Variants in CDH13 observed in about 807,000 individuals in gnomAD.
CDH13 encodes cadherin-13.
Under a neutral mutation model 63.8 loss-of-function variants are expected in CDH13, and 24 were observed. The observed-to-expected ratio is 0.38, with a 90% CI of 0.27 to 0.53. The LOEUF (loss-of-function observed/expected upper bound fraction) is 0.53, where lower values mean the gene tolerates loss of function less well. CDH13 is among the 20% of genes least tolerant of loss of function. CDH13 has a pLI of 0.85. For synonymous variants in CDH13, 503 were observed against 355.3 expected, an observed-to-expected ratio of 1.42 and a Z score of -4.67; for missense variants, 1,049 against 903.1, an observed-to-expected ratio of 1.16 and a Z score of -2.07.
At chr16:83,602,418 A>G in intron 7 of CDH13, 36 bp from the exon 8 acceptor site, 1 of 1,612,916 alleles carries the variant, frequency 6.2e-7, no homozygotes, top group Middle Eastern at 1.7e-4. Context: ...CCCAAATCTA[A>G]ATGTCATATT....
chr16:83,423,492 T>TA (rs2071780169), intron 6 of CDH13, among the ~76,000 whole-genome samples: 5 of 147,588 alleles, frequency 3.4e-5, no homozygotes, highest in Non-Finnish European at 7.6e-5. Flanking sequence ...CTGACAGCAT[T>TA]TAAAAAAAAA....
chr16:83,297,535 G>A (rs965533685), intron 5 of CDH13, among the ~76,000 whole-genome samples: 1 of 152,062 alleles, frequency 6.6e-6, no homozygotes, highest in Non-Finnish European at 1.5e-5. Context: ...GAGCACTCTT[G>A]TTTCTCACTG....
chr16:83,782,450 A>G (rs1184736548), intron 12 of CDH13, among the ~76,000 whole-genome samples: 2 of 152,010 alleles, frequency 1.3e-5, no homozygotes, highest in African/African-American at 4.8e-5. Context: ...AAAAACAAAA[A>G]CAAGGCTGGA....
intron 7 of CDH13, among the ~76,000 whole-genome samples, chr16:83,522,755 G>C (rs927876398): frequency 6.6e-6 from 1 of 152,136 alleles, no homozygotes; most frequent in Non-Finnish European, 1.5e-5. Context: ...CATCAGACTG[G>C]CCTGAATTCA....
intron 8 of CDH13, among the ~76,000 whole-genome samples, chr16:83,607,613 G>A (rs939369219): frequency 1.3e-5 from 2 of 152,110 alleles, no homozygotes; most frequent in Admixed American, 6.6e-5. Flanking sequence ...CACTGCATAC[G>A]ATGAACGAAG....
At chr16:82,946,720 C>CAAAAAAA (rs55633638) in intron 2 of CDH13, among the ~76,000 whole-genome samples, 1,747 of 148,890 alleles carry the variant, frequency 0.012, 25 homozygotes, top group African/African-American at 0.035. Context: ...AACTCTGTCT[C>CAAAAAAA]AAAAAAAAGA....
chr16:83,014,854 TTGTATATATATA>T (rs1230235666), intron 2 of CDH13, among the ~76,000 whole-genome samples: 1 of 118,096 alleles, frequency 8.5e-6, no homozygotes, highest in Non-Finnish European at 1.7e-5. Flanking sequence ...ATATATATAT[TTGTATATATATA>T]TGTATATATA....
chr16:82,854,720 C>T (rs772846822), intron 1 of CDH13, among the ~76,000 whole-genome samples: 3 of 152,192 alleles, frequency 2.0e-5, no homozygotes, highest in Non-Finnish European at 4.4e-5. Context: ...CCTTGATGCT[C>T]TAGATGAAGT....
intron 2 of CDH13, among the ~76,000 whole-genome samples, chr16:82,885,916 A>C (rs1252773628): frequency 6.6e-6 from 1 of 152,206 alleles, no homozygotes; most frequent in East Asian, 1.9e-4. Flanking sequence ...GCATAGAGGA[A>C]GTTCTCAGTA....
intron 1 of CDH13, among the ~76,000 whole-genome samples, chr16:82,720,709 A>G (rs1159654942): frequency 6.6e-6 from 1 of 152,122 alleles, no homozygotes; most frequent in Non-Finnish European, 1.5e-5. Flanking sequence ...TTATAATAAA[A>G]CAACATTGAA....
intron 8 of CDH13, among the ~76,000 whole-genome samples, chr16:83,635,585 G>C (rs1911187693): frequency 6.6e-6 from 1 of 151,880 alleles, no homozygotes; most frequent in Non-Finnish European, 1.5e-5. Context: ...CTCGTGATCT[G>C]CCTGCCTCGG....
At chr16:82,766,701 A>G (rs1035026905) in intron 1 of CDH13, among the ~76,000 whole-genome samples, 1 of 152,176 alleles carries the variant, frequency 6.6e-6, no homozygotes, top group African/African-American at 2.4e-5. Flanking sequence ...ATTCCTTTAT[A>G]TCATTATCCA....
At chr16:83,226,310 C>G (rs532988277) in intron 5 of CDH13, among the ~76,000 whole-genome samples, 2 of 152,336 alleles carry the variant, frequency 1.3e-5, no homozygotes, top group Admixed American at 6.5e-5. Flanking sequence ...TGAGTTGCTT[C>G]TGACTGATTA....
intron 5 of CDH13, among the ~76,000 whole-genome samples, chr16:83,344,034 G>T (rs956684110): frequency 6.6e-6 from 1 of 152,154 alleles, no homozygotes; most frequent in East Asian, 1.9e-4. Flanking sequence ...AGTTGTACTA[G>T]GATTCCAAAT....
In CDH13 at chr16:83,044,502, C is replaced by T. The variant is rs541440981; in HGVS notation, c.366+12284C>T. Among the ~76,000 whole-genome samples the T allele has an allele frequency of 4.6e-5, 7 of 152,284 alleles. No homozygotes were observed. The East Asian group carries it at 1.2e-3, about 25-fold the overall frequency. On this transcript the variant is annotated intron_variant, in intron 3 of 13. Coordinates refer to ENST00000567109, the MANE Select transcript of CDH13 (RefSeq NM_001257.5). The stretch of plus-strand genomic sequence containing the variant: ...GTGAATAGAACCTTTACAAAAAGAA[C>T]CTTGTGGAAACAGCACGAGGTGTCT...
intron 2 of CDH13, among the ~76,000 whole-genome samples, chr16:83,014,341 A>C (rs1016024996): frequency 1.5e-4 from 22 of 151,678 alleles, no homozygotes; most frequent in African/African-American, 5.1e-4. Context: ...AAAAAAAAAA[A>C]AACTTAGCAT....
intron 7 of CDH13, among the ~76,000 whole-genome samples, chr16:83,516,946 G>C (rs1224187558): frequency 6.6e-6 from 1 of 152,206 alleles, no homozygotes; most frequent in Non-Finnish European, 1.5e-5. Flanking sequence ...AGTGGCGGGA[G>C]TGAGAGCAAA....
chr16:82,937,419 G>GCACACA (rs748594526), intron 2 of CDH13, among the ~76,000 whole-genome samples: 1 of 149,006 alleles, frequency 6.7e-6, no homozygotes, highest in Admixed American at 6.7e-5. Context: ...ACATACACAT[G>GCACACA]CACACACACA....
intron 4 of CDH13, among the ~76,000 whole-genome samples, chr16:83,207,753 T>A (rs1297346679): frequency 2.2e-5 from 3 of 133,868 alleles, no homozygotes. Flanking sequence ...AATTAACAAA[T>A]ACTCTCCTTA....
Sources: allele counts gnomAD v4.1 joint callset (sites outside exome capture counted in the v4.1 genomes callset), GRCh38; gene constraint gnomAD v4.1.1; transcripts MANE v1.5; gene names NCBI Gene and HGNC (gene_info 2026-07-23, HGNC 2026-07-21).